Variants in PLAAT1 observed in about 807,000 individuals in gnomAD.
PLAAT1 encodes H-REV107 protein-related protein.
In PLAAT1, 13 loss-of-function variants were observed where a neutral mutation model predicts 16.4. That is an observed-to-expected ratio of 0.79 (90% CI 0.52 to 1.26). The LOEUF is 1.26. PLAAT1 is among the 50% of genes most tolerant of loss of function. The probability of loss-of-function intolerance (pLI) is 0.00; values close to 1 mark genes in which losing one functional copy is unlikely to be tolerated. For synonymous variants in PLAAT1, 73 were observed against 78.4 expected, an observed-to-expected ratio of 0.93 and a Z score of 0.36; for missense variants, 218 against 207.8, an observed-to-expected ratio of 1.05 and a Z score of -0.30.
chr3:193,255,747 C>G lies in PLAAT1; in HGVS notation c.97C>G (p.Leu33Val). ...CCGTCCTGGCTATCAGCACTGGGCC[C>G]TGTACTTGGGTGATGGTTACGTTAT... ...VFRPGYQHWA[L>V]YLGDGYVINI... The change falls in exon 2 of 4, where the codon CTG becomes GTG. Residue 33 changes from leucine (L) to valine (V), a missense_variant. By Grantham distance (32) the Leu-to-Val change is conservative. Coordinates refer to ENST00000264735, the MANE Select transcript of PLAAT1 (RefSeq NM_020386.5). 6.2e-7 allele frequency: 1 copy of G among 1,612,154 alleles called. No individual in the cohort carries two copies. Among genetic ancestry groups the G allele is most frequent in the Non-Finnish European group, 8.5e-7 (1 of 1,178,894 alleles).
chr3:193,279,587 T>A (rs1205648260), downstream of PLAAT1: 4 of 660,462 alleles, frequency 6.1e-6, no homozygotes, highest in East Asian at 2.8e-5. Context: ...TATCCTCATA[T>A]GTTTTGAAAT....
downstream of PLAAT1, among the ~76,000 whole-genome samples, chr3:193,271,958 A>G (rs563674479): frequency 1.2e-4 from 18 of 152,124 alleles, no homozygotes; most frequent in African/African-American, 3.6e-4. Flanking sequence ...TTCTTTTTCA[A>G]TAATTCCCTC....
chr3:193,277,302 C>G (rs1182638253), intron 2 of PLAAT1, among the ~76,000 whole-genome samples: 2 of 152,238 alleles, frequency 1.3e-5, no homozygotes, highest in South Asian at 2.1e-4. Flanking sequence ...GCTTCTGGCC[C>G]TATGTCTGAT....
chr3:193,255,891 A>G, intron 2 of PLAAT1, 102 bp downstream of exon 2: 1 of 1,103,888 alleles, frequency 9.1e-7, no homozygotes, highest in Non-Finnish European at 1.2e-6. Context: ...TCGAAATAAA[A>G]TATAGAAAGC....
chr3:193,263,620 A>C (rs1012530115), intron 3 of PLAAT1, among the ~76,000 whole-genome samples: 17 of 152,212 alleles, frequency 1.1e-4, no homozygotes, highest in African/African-American at 4.1e-4. Context: ...AGTATCACAA[A>C]TGGTTATTCT....
At chr3:193,250,684 C>G (rs886439044) in intron 1 of PLAAT1, among the ~76,000 whole-genome samples, 5 of 151,846 alleles carry the variant, frequency 3.3e-5, no homozygotes, top group Admixed American at 6.6e-5. Flanking sequence ...GAGGGAGTGA[C>G]TGCTCTCCTG....
Position 193,255,809 on chromosome 3 carries a change from G to T in PLAAT1, c.139+20G>T. The T allele has an allele frequency of 1.3e-6, 2 of 1,548,270 alleles. No individual in the cohort carries two copies. The highest frequency in any genetic ancestry group is 1.8e-6 in the Non-Finnish European group (2 of 1,142,320). On this transcript the variant is annotated intron_variant, in intron 2 of 3. Coordinates refer to ENST00000264735, the MANE Select transcript of PLAAT1 (RefSeq NM_020386.5). ...CTGTAGGTGAGGTTTATTTCCAGTGGCTCCTGGGAGCAAAGTTTTAGTGTT... is the reference window on the plus strand; with the variant it reads ...CTGTAGGTGAGGTTTATTTCCAGTGTCTCCTGGGAGCAAAGTTTTAGTGTT...
downstream of PLAAT1, among the ~76,000 whole-genome samples, chr3:193,273,211 G>A (rs531173234): frequency 8.5e-5 from 13 of 152,258 alleles, no homozygotes; most frequent in South Asian, 2.7e-3. Flanking sequence ...AAATGCAGAT[G>A]TCAGCTCAAG....
intron 1 of PLAAT1, among the ~76,000 whole-genome samples, chr3:193,248,058 C>A (rs1344405356): frequency 2.6e-5 from 4 of 152,162 alleles, no homozygotes; most frequent in Non-Finnish European, 5.9e-5. Context: ...CTCATCAGAT[C>A]TATTAATATT....
intron 2 of PLAAT1, among the ~76,000 whole-genome samples, chr3:193,262,433 C>T (rs1716618535): frequency 6.6e-6 from 1 of 150,580 alleles, no homozygotes; most frequent in Non-Finnish European, 1.5e-5. Context: ...GACTGAGGTA[C>T]CATGCGGGTT....
At chr3:193,264,426 C>T (rs1716702512) in intron 3 of PLAAT1, among the ~76,000 whole-genome samples, 1 of 152,044 alleles carries the variant, frequency 6.6e-6, no homozygotes, top group African/African-American at 2.4e-5. Context: ...TGCTTATTGG[C>T]CATTCGTATA....
At chr3:193,266,529 C>T (rs1716781646) in intron 3 of PLAAT1, among the ~76,000 whole-genome samples, 1 of 152,006 alleles carries the variant, frequency 6.6e-6, no homozygotes, top group African/African-American at 2.4e-5. Context: ...GCAGTGACAG[C>T]CTTAAGAGTC....
intron 2 of PLAAT1, chr3:193,276,857 T>C (rs1717237521): frequency 3.3e-6 from 5 of 1,512,634 alleles, no homozygotes; most frequent in African/African-American, 1.4e-5. Context: ...ACCATTATTA[T>C]ATTTTGCACA....
At chr3:193,278,710 T>G (rs1717340497), downstream of PLAAT1, among the ~76,000 whole-genome samples, 1 of 152,176 alleles carries the variant, frequency 6.6e-6, no homozygotes, top group East Asian at 1.9e-4. Context: ...GGCCTCCTTC[T>G]TCTATGTTCT....
At chr3:193,278,784 T>G (rs1717344316), downstream of PLAAT1, among the ~76,000 whole-genome samples, 1 of 152,204 alleles carries the variant, frequency 6.6e-6, no homozygotes, top group Non-Finnish European at 1.5e-5. Flanking sequence ...CGTTCAAGTA[T>G]GTCTCATCTT....
chr3:193,279,335 C>A, downstream of PLAAT1: 2 of 1,515,136 alleles, frequency 1.3e-6, no homozygotes, highest in South Asian at 2.3e-5. Context: ...GTACATGAGT[C>A]ATGCCAGATG....
chr3:193,263,783 A>G (rs1232679431), intron 3 of PLAAT1, among the ~76,000 whole-genome samples: 1 of 152,100 alleles, frequency 6.6e-6, no homozygotes, highest in Non-Finnish European at 1.5e-5. Flanking sequence ...ATGACTTTTG[A>G]TAGATTAATT....
downstream of PLAAT1, chr3:193,274,877 A>T (rs893716230): frequency 1.5e-5 from 13 of 896,014 alleles, no homozygotes; most frequent in Non-Finnish European, 1.7e-5. Context: ...AGTCAGAATA[A>T]GCCTATCTAA....
At chr3:193,272,465 C>CA (rs11372054), downstream of PLAAT1, among the ~76,000 whole-genome samples, 61,050 of 151,500 alleles carry the variant, frequency 0.4, 13,348 homozygotes, top group Non-Finnish European at 0.48. Flanking sequence ...CAAAACAAAA[C>CA]AAAAAAACCC....
Sources: gnomAD v4.1 joint callset for allele counts (sites outside exome capture counted in the v4.1 genomes callset) on GRCh38, gnomAD v4.1.1 for gene constraint, MANE v1.5 for transcripts, NCBI Gene and HGNC (gene_info 2026-07-23, HGNC 2026-07-21) for gene names.